NEK7: variants seen among roughly 807,000 people sequenced by gnomAD.
The protein encoded by NEK7 is serine/threonine-protein kinase Nek7.
Under a neutral mutation model 44.6 loss-of-function variants are expected in NEK7, and 18 were observed. The observed-to-expected ratio is 0.40, with a 90% CI of 0.28 to 0.60. The LOEUF (loss-of-function observed/expected upper bound fraction) is 0.60. Ranked by LOEUF, NEK7 falls within the 20% of genes least tolerant of loss-of-function variation. The pLI is 0.38. For synonymous variants in NEK7, 130 were observed against 121.1 expected (o/e 1.07, Z -0.48); for missense variants, 256 against 366.5 (o/e 0.70, Z 2.46).
At chr1:198,268,572 G>A (rs1179191406) in intron 5 of NEK7, among the ~76,000 whole-genome samples, 1 of 151,848 alleles carries the variant, frequency 6.6e-6, no homozygotes, top group Non-Finnish European at 1.5e-5. Flanking sequence ...CCTTAAATCC[G>A]TTTCTCCATC....
Position 198,318,786 on chromosome 1 carries a change from A to G in NEK7, c.799-626A>G, listed in dbSNP as rs535376512. 8.6e-4 allele frequency among the ~76,000 whole-genome samples: 131 copies of G among 152,236 alleles called. 3 individuals are homozygous for G. The highest frequency in any genetic ancestry group is 1.9e-3 in the Admixed American group (29 of 15,290). ...GCTTTTATTCTATGATATAAATAGA[A>G]TAAAATAGTAAACCTCAACTCTCTC... On this transcript the variant is annotated intron_variant, in intron 9 of 9. Coordinates refer to ENST00000367385, the MANE Select transcript of NEK7 (RefSeq NM_133494.3).
intron 9 of NEK7, among the ~76,000 whole-genome samples, chr1:198,302,039 G>A (rs1419380233): frequency 6.6e-6 from 1 of 152,064 alleles, no homozygotes; most frequent in Non-Finnish European, 1.5e-5. Flanking sequence ...TTTTGGAATC[G>A]GAATTATTAA....
At chr1:198,203,911 C>G (rs138958704) in intron 1 of NEK7, among the ~76,000 whole-genome samples, 1 of 151,972 alleles carries the variant, frequency 6.6e-6, no homozygotes, top group East Asian at 1.9e-4. Flanking sequence ...TTTCATAGAT[C>G]CTTTTTGGGA....
intron 1 of NEK7, among the ~76,000 whole-genome samples, chr1:198,227,045 T>A (rs959540557): frequency 7.3e-5 from 11 of 151,540 alleles, no homozygotes; most frequent in Non-Finnish European, 8.8e-5. Context: ...CAGGCCCCAG[T>A]GTGTGATGTT....
chr1:198,236,152 T>TA (rs1666540297), intron 2 of NEK7, among the ~76,000 whole-genome samples: 1 of 152,190 alleles, frequency 6.6e-6, no homozygotes, highest in Admixed American at 6.5e-5. Flanking sequence ...GTATGAATTT[T>TA]AGACTTGATA....
chr1:198,179,773 C>T (rs1005435033), intron 1 of NEK7, among the ~76,000 whole-genome samples: 4 of 151,698 alleles, frequency 2.6e-5, no homozygotes, highest in African/African-American at 4.8e-5. Flanking sequence ...TTCCTGTTGC[C>T]AGGAAGAACC....
At chr1:198,287,600 A>G (rs1654415080) in intron 7 of NEK7, among the ~76,000 whole-genome samples, 1 of 152,044 alleles carries the variant, frequency 6.6e-6, no homozygotes, top group African/African-American at 2.4e-5. Context: ...AGAAAATGCC[A>G]CACTTGGCTT....
chr1:198,310,357 G>C (rs1655142033), intron 9 of NEK7, among the ~76,000 whole-genome samples: 1 of 151,908 alleles, frequency 6.6e-6, no homozygotes, highest in Non-Finnish European at 1.5e-5. Flanking sequence ...TTTGTCAGAT[G>C]AGTAGGTTGT....
At chr1:198,281,838 C>A (rs1312156662) in intron 7 of NEK7, among the ~76,000 whole-genome samples, 1 of 151,888 alleles carries the variant, frequency 6.6e-6, no homozygotes, top group East Asian at 1.9e-4. Context: ...CATAATAAAT[C>A]AACATACAAT....
chr1:198,305,361 G>A (rs530041178), intron 9 of NEK7, among the ~76,000 whole-genome samples: 1 of 152,220 alleles, frequency 6.6e-6, no homozygotes, highest in East Asian at 1.9e-4. Context: ...TCATTGCACA[G>A]TATTGGATAA....
intron 2 of NEK7, among the ~76,000 whole-genome samples, chr1:198,237,531 C>G (rs916190088): frequency 6.6e-6 from 1 of 152,142 alleles, no homozygotes; most frequent in African/African-American, 2.4e-5. Flanking sequence ...TTTCTCTGGT[C>G]TCATACTTAA....
chr1:198,310,498 T>C lies in NEK7; in HGVS notation c.799-8914T>C, dbSNP rs962545004. Among the ~76,000 whole-genome samples, 37 of 138,886 alleles carry C rather than the reference T, an allele frequency of 2.7e-4. 4 individuals are homozygous for C. Among genetic ancestry groups the C allele is most frequent in the Admixed American group, 3.5e-4 (5 of 14,180 alleles). The allele number at this position is 138,886 out of a possible 152,430, so 91.1% of individuals were successfully genotyped here. ...TTTTGTTGCCATTGCTTTTGGTGTT[T>C]TAGACATGAAGTCCTTGCCCATGGT... On this transcript the variant is annotated intron_variant, in intron 9 of 9. Transcript: ENST00000367385.
rs142364414 is a variant in NEK7, at chr1:198,211,158, AAGT to A, written c.-28-21392_-28-21390del. Among the ~76,000 whole-genome samples the A allele has an allele frequency of 5.2e-3, 792 of 152,320 alleles. 25 individuals are homozygous for A. The highest frequency in any genetic ancestry group is 0.038 in the Admixed American group (577 of 15,298). ...GAAGAGAACTATGGGGTTAACATTA[AAGT>A]AGGATTAGGTCTTCTAATTCTTTTC... On this transcript the variant is annotated intron_variant, in intron 1 of 9. Transcript: ENST00000367385.
intron 3 of NEK7, among the ~76,000 whole-genome samples, chr1:198,257,071 C>T (rs16842626): frequency 0.2 from 30,232 of 152,010 alleles, 3,597 homozygotes; most frequent in African/African-American, 0.32. Context: ...TTCATTAATG[C>T]TTAATTTCGC....
At chr1:198,319,148 A>G (rs146784137) in intron 9 of NEK7, among the ~76,000 whole-genome samples, 1 of 152,308 alleles carries the variant, frequency 6.6e-6, no homozygotes, top group Non-Finnish European at 1.5e-5. Flanking sequence ...CTGAAAAATT[A>G]AGAGAGTCCA....
At chr1:198,250,139 G>T (rs1197703439) in intron 2 of NEK7, among the ~76,000 whole-genome samples, 1 of 149,612 alleles carries the variant, frequency 6.7e-6, no homozygotes, top group Non-Finnish European at 1.5e-5. Context: ...AATAGGGAAT[G>T]CTTTCCCCAT....
intron 2 of NEK7, 70 bp downstream of exon 2, chr1:198,232,707 C>A: frequency 3.6e-6 from 3 of 830,726 alleles, no homozygotes; most frequent in Non-Finnish European, 5.9e-6. Flanking sequence ...GAAAGTAGTA[C>A]ATTTACAGTT....
intron 1 of NEK7, among the ~76,000 whole-genome samples, chr1:198,225,641 A>G (rs1396408865): frequency 6.6e-6 from 1 of 152,144 alleles, no homozygotes; most frequent in Non-Finnish European, 1.5e-5. Flanking sequence ...TTTTAGATTA[A>G]TCTTTTGCTA....
intron 2 of NEK7, among the ~76,000 whole-genome samples, chr1:198,246,043 G>T (rs1214300680): frequency 1.3e-5 from 2 of 152,174 alleles, no homozygotes; most frequent in African/African-American, 4.8e-5. Context: ...GAACCCGTTT[G>T]ATGATACCAT....
Sources: allele counts gnomAD v4.1 joint callset (sites outside exome capture counted in the v4.1 genomes callset), GRCh38; gene constraint gnomAD v4.1.1; transcripts MANE v1.5; gene names NCBI Gene and HGNC (gene_info 2026-07-23, HGNC 2026-07-21).